Variants in DPH6 observed in about 807,000 individuals in gnomAD.
DPH6 encodes the protein diphthine--ammonia ligase.
DPH6 carries 33 observed loss-of-function variants against 38.2 expected under a neutral mutation model. The ratio of observed to expected loss-of-function variants is 0.86; its 90% confidence interval spans 0.65 to 1.15. The LOEUF is 1.15. Among genes scored for constraint, DPH6 ranks in the 50% most tolerant of loss-of-function variants. The pLI is 0.00. For synonymous variants in DPH6, 108 were observed against 103.0 expected (o/e 1.05, Z -0.30); for missense variants, 325 against 320.0 (o/e 1.02, Z -0.12).
At position 35,258,383 on chromosome 15, in the gene DPH6, T is replaced by C. The variant is rs557457741; in HGVS notation, n.201-37801A>G. On this transcript the variant is annotated intron_variant and non_coding_transcript_variant, in intron 3 of 3. Transcript: ENST00000560386. ...TGTAAGACATTAAAGGAGGACACTT[T>C]CACTGTGACATTAGTTGGCTTACAA... 5.3e-4 allele frequency among the ~76,000 whole-genome samples: 81 copies of C among 152,348 alleles called. 1 individual carries two copies. Among genetic ancestry groups the C allele is most frequent in the African/African-American group, 1.9e-3 (81 of 41,586 alleles).
intron 3 of DPH6, among the ~76,000 whole-genome samples, chr15:35,340,432 G>C (rs1566874520): frequency 6.6e-6 from 1 of 152,102 alleles, no homozygotes. Flanking sequence ...GAAGCTAGCT[G>C]GTTATTTTGC....
At chr15:35,457,327 C>T (rs1276888929) in intron 3 of DPH6, among the ~76,000 whole-genome samples, 1 of 151,552 alleles carries the variant, frequency 6.6e-6, no homozygotes, top group African/African-American at 2.4e-5. Context: ...TTCTTCAACA[C>T]TGAGCCTATA....
rs1240408900 is a variant in DPH6, at chr15:35,502,945, TAC to T, written c.312+35327_312+35328del. Among the ~76,000 whole-genome samples the T allele has an allele frequency of 3.4e-5, 5 of 147,918 alleles. No homozygotes were observed. The East Asian group carries it at 7.8e-4, about 23-fold the overall frequency. ...ATAATTATATATATAAATATATATA[TAC>T]ACACACACATACACACACACCAGTG... On this transcript the variant is annotated intron_variant, in intron 3 of 8. Transcript: ENST00000256538.
chr15:35,182,924 C>T, the DPH6 span, among the ~76,000 whole-genome samples: 1 of 152,152 alleles, frequency 6.6e-6, no homozygotes, highest in Admixed American at 6.5e-5. Context: ...TACTATTTCC[C>T]TTCTTTGATA....
chr15:35,174,884 A>C, the DPH6 span, among the ~76,000 whole-genome samples: 1 of 152,088 alleles, frequency 6.6e-6, no homozygotes, highest in Non-Finnish European at 1.5e-5. Context: ...CCTTTGCAAA[A>C]CAAGTATGAT....
chr15:35,414,040 G>C (rs2053405564), intron 5 of DPH6, among the ~76,000 whole-genome samples: 1 of 151,456 alleles, frequency 6.6e-6, no homozygotes, highest in South Asian at 2.1e-4. Context: ...GCACTAAACA[G>C]GCTTCATCAT....
intron 3 of DPH6, among the ~76,000 whole-genome samples, chr15:35,305,309 T>C (rs185323192): frequency 1.3e-5 from 2 of 152,188 alleles, no homozygotes. Context: ...GTGTTCAACA[T>C]CATTAAATAG....
At chr15:35,231,359 G>A (rs2051516214) in intron 3 of DPH6, among the ~76,000 whole-genome samples, 1 of 152,194 alleles carries the variant, frequency 6.6e-6, no homozygotes, top group African/African-American at 2.4e-5. Flanking sequence ...AATATTCTCT[G>A]CACCATGCTG....
At chr15:35,317,813 G>C (rs1041182947) in intron 3 of DPH6, among the ~76,000 whole-genome samples, 1 of 152,072 alleles carries the variant, frequency 6.6e-6, no homozygotes, top group Non-Finnish European at 1.5e-5. Flanking sequence ...TACAGACCTA[G>C]CATTGTCCAA....
chr15:35,506,295 C>T (rs1180822759), intron 3 of DPH6, among the ~76,000 whole-genome samples: 1 of 152,046 alleles, frequency 6.6e-6, no homozygotes, highest in East Asian at 1.9e-4. Context: ...GAGCTATTTA[C>T]ATGCTTTCCT....
chr15:35,159,510 C>T, the DPH6 span, among the ~76,000 whole-genome samples: 1 of 151,768 alleles, frequency 6.6e-6, no homozygotes, highest in East Asian at 1.9e-4. Context: ...CAAAGAGATA[C>T]CATCTCACAG....
At chr15:35,472,393 G>C (rs994407878) in intron 3 of DPH6, among the ~76,000 whole-genome samples, 6 of 152,198 alleles carry the variant, frequency 3.9e-5, no homozygotes, top group Non-Finnish European at 7.3e-5. Context: ...AGGAGCTGGA[G>C]AAAGTGGCAG....
intron 5 of DPH6, among the ~76,000 whole-genome samples, chr15:35,425,641 T>C (rs2053559012): frequency 6.7e-6 from 1 of 148,700 alleles, no homozygotes; most frequent in Admixed American, 6.7e-5. Flanking sequence ...TACATACATA[T>C]CCATATATAA....
intron 3 of DPH6, among the ~76,000 whole-genome samples, chr15:35,354,025 T>C (rs1367773841): frequency 6.6e-6 from 1 of 152,208 alleles, no homozygotes; most frequent in Non-Finnish European, 1.5e-5. Context: ...CCTAGGTATT[T>C]TATTCTGTTT....
chr15:35,383,935 T>C (rs776871014), intron 6 of DPH6, among the ~76,000 whole-genome samples: 2 of 152,354 alleles, frequency 1.3e-5, no homozygotes, highest in East Asian at 3.9e-4. Flanking sequence ...AGAATCTTTG[T>C]AGCACAAAAG....
At chr15:35,332,200 C>G (rs16960787) in intron 3 of DPH6, among the ~76,000 whole-genome samples, 4,743 of 152,124 alleles carry the variant, frequency 0.031, 256 homozygotes, top group African/African-American at 0.11. Context: ...AAAAATAATT[C>G]ACATGTTCAC....
intron 3 of DPH6, among the ~76,000 whole-genome samples, chr15:35,467,824 CA>C (rs1194695680): frequency 6.6e-6 from 1 of 152,012 alleles, no homozygotes; most frequent in Non-Finnish European, 1.5e-5. Context: ...TCAAATATAA[CA>C]ATAAACAGTC....
intron 3 of DPH6, among the ~76,000 whole-genome samples, chr15:35,300,332 G>GAGT (rs1197746187): frequency 2.6e-5 from 4 of 152,122 alleles, no homozygotes; most frequent in Non-Finnish European, 5.9e-5. Context: ...AGATCATTTT[G>GAGT]AGTACTACAT....
At chr15:35,267,738 G>C (rs2051792118) in intron 3 of DPH6, among the ~76,000 whole-genome samples, 1 of 151,944 alleles carries the variant, frequency 6.6e-6, no homozygotes, top group South Asian at 2.1e-4. Flanking sequence ...TCTCCCTTTG[G>C]AGCCTCATGA....
Sources: gnomAD v4.1 joint callset for allele counts (sites outside exome capture counted in the v4.1 genomes callset) on GRCh38, gnomAD v4.1.1 for gene constraint, MANE v1.5 for transcripts, NCBI Gene and HGNC (gene_info 2026-07-23, HGNC 2026-07-21) for gene names.